The following CHCHD6 variants were observed in gnomAD, a reference collection of about 807,000 sequenced individuals.
CHCHD6 encodes the protein coiled-coil-helix-coiled-coil-helix domain containing 6.
In CHCHD6, 28 loss-of-function variants were observed where a neutral mutation model predicts 32.3. The observed-to-expected ratio is 0.87, with a 90% CI of 0.64 to 1.19. The LOEUF is 1.19. Ranked by LOEUF, CHCHD6 falls within the 50% of genes most tolerant of loss-of-function variation. The pLI is 0.00. For synonymous variants in CHCHD6, 122 were observed against 117.5 expected, an observed-to-expected ratio of 1.04 and a Z score of -0.25; for missense variants, 333 against 307.0, an observed-to-expected ratio of 1.08 and a Z score of -0.63.
At chr3:126,880,772 A>G (rs1040631952) in intron 5 of CHCHD6, among the ~76,000 whole-genome samples, 1 of 152,212 alleles carries the variant, frequency 6.6e-6, no homozygotes, top group African/African-American at 2.4e-5. Flanking sequence ...CAAGGTAAAA[A>G]CATCTCTTTT....
intron 5 of CHCHD6, among the ~76,000 whole-genome samples, chr3:126,858,936 TC>T (rs1941759441): frequency 6.6e-6 from 1 of 152,200 alleles, no homozygotes; most frequent in South Asian, 2.1e-4. Context: ...CGCCTGCTGC[TC>T]CGTTGTCTGT....
At chr3:126,858,105 C>T (rs1941724394) in intron 5 of CHCHD6, among the ~76,000 whole-genome samples, 1 of 152,196 alleles carries the variant, frequency 6.6e-6, no homozygotes, top group Admixed American at 6.5e-5. Context: ...GAGCCGTCCA[C>T]AGCTGCAGGT....
chr3:126,955,475 T>C (rs942861098), intron 6 of CHCHD6, among the ~76,000 whole-genome samples: 1 of 152,242 alleles, frequency 6.6e-6, no homozygotes, highest in Non-Finnish European at 1.5e-5. Context: ...CCTCAATGGC[T>C]AGGATGGGGT....
intron 4 of CHCHD6, among the ~76,000 whole-genome samples, chr3:126,764,747 A>G (rs949288828): frequency 2.0e-5 from 3 of 152,356 alleles, no homozygotes; most frequent in East Asian, 3.9e-4. Context: ...GCGTTCCAGG[A>G]AAGAGACCTG....
chr3:126,912,862 C>G (rs1422596522), intron 5 of CHCHD6, among the ~76,000 whole-genome samples: 1 of 152,236 alleles, frequency 6.6e-6, no homozygotes, highest in Non-Finnish European at 1.5e-5. Context: ...GCCTTCCATG[C>G]CCTATGGCCT....
intron 4 of CHCHD6, among the ~76,000 whole-genome samples, chr3:126,761,624 GC>G (rs2107672602): frequency 6.6e-6 from 1 of 152,066 alleles, no homozygotes; most frequent in African/African-American, 2.4e-5. Context: ...ACAGGGTCTT[GC>G]TATGTTGACC....
At chr3:126,941,018 G>T (rs1054217610) in intron 6 of CHCHD6, among the ~76,000 whole-genome samples, 18 of 152,128 alleles carry the variant, frequency 1.2e-4, no homozygotes, top group African/African-American at 4.3e-4. Context: ...TTGATGTGGA[G>T]ATGGGAACCA....
At chr3:126,730,845 T>C (rs1935763995) in intron 3 of CHCHD6, among the ~76,000 whole-genome samples, 1 of 152,070 alleles carries the variant, frequency 6.6e-6, no homozygotes, top group African/African-American at 2.4e-5. Flanking sequence ...TGATTGTTAA[T>C]GTTCCTCATG....
intron 6 of CHCHD6, among the ~76,000 whole-genome samples, chr3:126,922,615 C>G (rs1483959559): frequency 8.0e-6 from 1 of 125,072 alleles, no homozygotes; most frequent in East Asian, 2.5e-4. Context: ...TGAATTTCAG[C>G]CCACCACGTG....
At chr3:126,765,516 A>T (rs1252201342) in intron 4 of CHCHD6, among the ~76,000 whole-genome samples, 1 of 152,224 alleles carries the variant, frequency 6.6e-6, no homozygotes, top group Non-Finnish European at 1.5e-5. Flanking sequence ...AGTCAGCAGA[A>T]CGGTACCCCG....
At chr3:126,889,337 G>A (rs892613027) in intron 5 of CHCHD6, among the ~76,000 whole-genome samples, 1 of 152,180 alleles carries the variant, frequency 6.6e-6, no homozygotes, top group Admixed American at 6.5e-5. Context: ...CCTGGAGGCT[G>A]CAGACCAGCG....
In CHCHD6 at chr3:126,730,611, A is replaced by T. The variant is rs750559434; in HGVS notation, c.247A>T (p.Met83Leu). ...GSSGGQQPSG[M>L]KEGVKRYEQE... Reference sequence around the variant, plus strand: ...CAGTGGTGGCCAGCAGCCCTCAGGGATGAAGGAGGGTGTCAAGAGGTGAGC... The same window carrying T: ...CAGTGGTGGCCAGCAGCCCTCAGGGTTGAAGGAGGGTGTCAAGAGGTGAGC... The change falls in exon 3 of 8, where the codon ATG becomes TTG. Residue 83 changes from methionine (M) to leucine (L), a missense_variant. Transcript: ENST00000290913. The T allele has an allele frequency of 1.2e-6, 2 of 1,613,756 alleles. No homozygotes were observed. Among genetic ancestry groups the T allele is most frequent in the Non-Finnish European group, 1.7e-6 (2 of 1,179,838 alleles).
chr3:126,899,367 G>C (rs751176355), intron 5 of CHCHD6, among the ~76,000 whole-genome samples: 10 of 152,222 alleles, frequency 6.6e-5, no homozygotes, highest in Non-Finnish European at 1.0e-4. Flanking sequence ...TGAATGGATA[G>C]TGAATGTGTT....
intron 5 of CHCHD6, among the ~76,000 whole-genome samples, chr3:126,884,237 G>A (rs1399649280): frequency 6.6e-6 from 1 of 152,264 alleles, no homozygotes; most frequent in East Asian, 1.9e-4. Context: ...TACAGTAGGT[G>A]CCCATCACAG....
chr3:126,719,437 A>G (rs140046440), intron 1 of CHCHD6, among the ~76,000 whole-genome samples: 8 of 152,204 alleles, frequency 5.3e-5, no homozygotes, highest in Admixed American at 3.9e-4. Flanking sequence ...TTCTTCTTTC[A>G]TAGATAGCAC....
intron 4 of CHCHD6, among the ~76,000 whole-genome samples, chr3:126,739,434 C>T (rs1447011521): frequency 2.0e-5 from 3 of 152,146 alleles, no homozygotes; most frequent in African/African-American, 7.2e-5. Flanking sequence ...CTGGATTTGA[C>T]TGGTGGGCAA....
At chr3:126,855,928 C>G (rs923630534) in intron 5 of CHCHD6, among the ~76,000 whole-genome samples, 3 of 152,180 alleles carry the variant, frequency 2.0e-5, no homozygotes, top group Non-Finnish European at 4.4e-5. Flanking sequence ...GCCGGCTGAG[C>G]AAGCAAACCA....
intron 4 of CHCHD6, among the ~76,000 whole-genome samples, chr3:126,821,129 T>C (rs1940129360): frequency 6.6e-6 from 1 of 152,246 alleles, no homozygotes. Context: ...TTCTCAAGGT[T>C]CATCCATATT....
chr3:126,758,203 G>A (rs1937032305), intron 4 of CHCHD6, among the ~76,000 whole-genome samples: 1 of 152,216 alleles, frequency 6.6e-6, no homozygotes, highest in East Asian at 1.9e-4. Flanking sequence ...CTGGTGTATT[G>A]ACAATCTTTC....
Sources: allele counts gnomAD v4.1 joint callset (sites outside exome capture counted in the v4.1 genomes callset), GRCh38; gene constraint gnomAD v4.1.1; transcripts MANE v1.5; gene names NCBI Gene and HGNC (gene_info 2026-07-23, HGNC 2026-07-21).